UTP20: variants seen among roughly 807,000 people sequenced by gnomAD.
UTP20 encodes UTP20 small subunit processome component.
UTP20 carries 164 observed loss-of-function variants against 329.5 expected under a neutral mutation model. The observed-to-expected ratio is 0.50, with a 90% CI of 0.44 to 0.57. UTP20 has a LOEUF of 0.57. Among genes scored for constraint, UTP20 ranks in the 20% least tolerant of loss-of-function variants. The pLI is 0.00. For missense variants in UTP20, 3,055 were observed against 3,284.2 expected (o/e 0.93, Z 1.71); for synonymous variants, 1,151 against 1,159.3 (o/e 0.99, Z 0.14).
Position 101,321,553 on chromosome 12 carries a change from G to A in UTP20, c.2965G>A (p.Val989Met), listed in dbSNP as rs1221724463. ...AGACAGAAGCTTTAAGGAAGAGATA[G>A]TGCATTTTAGCATTTCAGAAGATAA... Reference protein sequence around the residue: ...LEDRSFKEEIVHFSISEDNAV... With the variant: ...LEDRSFKEEIMHFSISEDNAV... Residue 989 changes from valine (V) to methionine (M), a missense_variant, in exon 25 of 62, where the codon GTG becomes ATG. Physicochemically the swap from Val to Met is conservative, Grantham distance 21. This residue lies in a region of UTP20 where 2,445 missense variants were observed against 2,575.5 expected (regional missense o/e 0.95). Coordinates refer to ENST00000261637, the MANE Select transcript of UTP20 (RefSeq NM_014503.3). The A allele has an allele frequency of 1.4e-5, 22 of 1,613,540 alleles. No individual in the cohort carries two copies. The highest frequency in any genetic ancestry group is 1.8e-5 in the Non-Finnish European group (21 of 1,179,764).
At chr12:101,283,660 A>G (rs1485738467) in intron 2 of UTP20, among the ~76,000 whole-genome samples, 2 of 152,174 alleles carry the variant, frequency 1.3e-5, no homozygotes, top group African/African-American at 4.8e-5. Flanking sequence ...TTCTGCCTTA[A>G]AGGACATGAA....
At chr12:101,361,628 A>AAAAT (rs60016529) in intron 43 of UTP20, among the ~76,000 whole-genome samples, 2,613 of 139,084 alleles carry the variant, frequency 0.019, 35 homozygotes, top group Non-Finnish European at 0.022. Flanking sequence ...CTCTGTCTCA[A>AAAAT]AAATAAATAA....
chr12:101,285,006 A>C (rs767574154), intron 2 of UTP20, among the ~76,000 whole-genome samples: 5 of 152,176 alleles, frequency 3.3e-5, no homozygotes, highest in African/African-American at 9.7e-5. Context: ...CACATAATAT[A>C]CCTTAGTATA....
At position 101,306,017 on chromosome 12, in the gene UTP20, G is replaced by A. The variant is rs1222403264; in HGVS notation, c.1884G>A (p.Met628Ile). The A allele has an allele frequency of 6.2e-7, 1 of 1,613,504 alleles. No homozygotes were observed. The highest frequency in any genetic ancestry group is 2.2e-5 in the East Asian group (1 of 44,834). ...GGCCACTTTCCCAGGAGGCTTTAATGGAATTATTTCCCAAGTTACAAGCAA... is the reference window on the plus strand; with the variant it reads ...GGCCACTTTCCCAGGAGGCTTTAATAGAATTATTTCCCAAGTTACAAGCAA... The part of the protein sequence containing the change: ...CKGPLSQEAL[M>I]ELFPKLQANI... Residue 628 changes from methionine (M) to isoleucine (I), a missense_variant, in exon 16 of 62, where the codon ATG becomes ATA. By Grantham distance (10) the Met-to-Ile change is conservative. This residue lies in a region of UTP20 where 2,445 missense variants were observed against 2,575.5 expected (regional missense o/e 0.95). Transcript: ENST00000261637.
At chr12:101,347,348 A>AC (rs1351681367) in intron 38 of UTP20, among the ~76,000 whole-genome samples, 1 of 151,904 alleles carries the variant, frequency 6.6e-6, no homozygotes, top group Non-Finnish European at 1.5e-5. Flanking sequence ...AATGGCAAAA[A>AC]CCCATGTGCA....
chr12:101,297,578 G>A (rs545006180), intron 12 of UTP20, among the ~76,000 whole-genome samples: 2 of 152,274 alleles, frequency 1.3e-5, no homozygotes, highest in South Asian at 2.1e-4. Flanking sequence ...ATTAAAATAT[G>A]CCAACAGAAT....
At chr12:101,330,419 A>C (rs1794249402) in intron 27 of UTP20, among the ~76,000 whole-genome samples, 1 of 152,166 alleles carries the variant, frequency 6.6e-6, no homozygotes, top group South Asian at 2.1e-4. Context: ...TTTGTAGGCT[A>C]TGATGAGGGG....
At position 101,285,563 on chromosome 12, in the gene UTP20, T is replaced by C. The variant is rs773352333; in HGVS notation, c.127-7T>C. 1 of 1,613,542 alleles carries C rather than the reference T, an allele frequency of 6.2e-7. No homozygotes were observed. Among genetic ancestry groups the C allele is most frequent in the South Asian group, 1.1e-5 (1 of 91,060 alleles). On this transcript the variant is annotated splice_region_variant and splice_polypyrimidine_tract_variant and intron_variant, in intron 2 of 61. Transcript: ENST00000261637. ...ATTTGATTAATGGACTGCTTTAATC[T>C]TGACAGGAGGTTGAAACCTACTTTT...
intron 19 of UTP20, among the ~76,000 whole-genome samples, chr12:101,310,348 G>C (rs1054427730): frequency 8.6e-5 from 13 of 151,950 alleles, no homozygotes; most frequent in African/African-American, 3.1e-4. Flanking sequence ...GGCTGAGGCA[G>C]GTGGATCACC....
chr12:101,373,258 A>G, intron 52 of UTP20, 143 bp from the exon 53 acceptor site: 1 of 776,168 alleles, frequency 1.3e-6, no homozygotes, highest in Non-Finnish European at 2.1e-6. Context: ...ATGGATACAT[A>G]CAAGCATTAA....
At chr12:101,360,711 C>T (rs1027869220) in intron 43 of UTP20, among the ~76,000 whole-genome samples, 1 of 152,124 alleles carries the variant, frequency 6.6e-6, no homozygotes, top group African/African-American at 2.4e-5. Context: ...TGCCTGTAAT[C>T]CCAGCTACTC....
chr12:101,355,017 C>T lies in UTP20; in HGVS notation c.5293C>T (p.Leu1765Phe). 1 of 1,614,164 alleles carries T rather than the reference C, an allele frequency of 6.2e-7. No homozygotes were observed. Among genetic ancestry groups the T allele is most frequent in the Non-Finnish European group, 8.5e-7 (1 of 1,180,028 alleles). ...GTGTATCACAAAGCCTGTCTCTTTCCTTCCTCAAAACAAGGAAGAAATAGA... is the reference window on the plus strand; with the variant it reads ...GTGTATCACAAAGCCTGTCTCTTTCTTTCCTCAAAACAAGGAAGAAATAGA... The part of the protein sequence containing the change: ...SECITKPVSF[L>F]PQNKEEIERT... Residue 1765 changes from leucine (L) to phenylalanine (F), a missense_variant, in exon 41 of 62, where the codon CTT (leucine) becomes TTT (phenylalanine). Around this residue, in one of 3 missense-constraint regions of UTP20, gnomAD observed 2,445 missense variants for 2,575.5 expected, o/e 0.95. Coordinates refer to ENST00000261637, the MANE Select transcript of UTP20 (RefSeq NM_014503.3).
chr12:101,284,624 CACAT>C (rs1470038116), intron 2 of UTP20, among the ~76,000 whole-genome samples: 9 of 152,018 alleles, frequency 5.9e-5, no homozygotes, highest in Admixed American at 1.3e-4. Flanking sequence ...TCTATATACA[CACAT>C]ACGTACATGT....
chr12:101,358,041 AT>A, intron 43 of UTP20, among the ~76,000 whole-genome samples: 1 of 152,276 alleles, frequency 6.6e-6, no homozygotes, highest in South Asian at 2.1e-4. Context: ...AAAGAAAACA[AT>A]TTTGGTACAG....
In UTP20 at chr12:101,373,539, G is replaced by A. The variant is rs184998154; in HGVS notation, c.6949-46G>A. On this transcript the variant is annotated intron_variant, in intron 53 of 61. Coordinates refer to ENST00000261637, the MANE Select transcript of UTP20 (RefSeq NM_014503.3). ...TCAGTCCCCCTTTGCTAGAGCATCT[G>A]TAGGAATTCCACTCTGAGTGCTCAC... 3.1e-6 allele frequency: 5 copies of A among 1,612,842 alleles called. No homozygotes were observed. In the Admixed American group the frequency reaches 5.0e-5, roughly 16 times the overall value.
Position 101,381,191 on chromosome 12 carries a change from G to A in UTP20, c.7636G>A (p.Asp2546Asn). 1.2e-6 allele frequency: 2 copies of A among 1,613,814 alleles called. No individual in the cohort carries two copies. The highest frequency in any genetic ancestry group is 1.7e-6 in the Non-Finnish European group (2 of 1,179,734). The change falls in exon 58 of 62, where the codon GAT becomes AAT. Residue 2546 changes from aspartate to asparagine, a missense_variant. Asp to Asn is a conservative substitution (Grantham distance 23). Transcript: ENST00000261637. ...SCHQLHSKFL[D>N]QSLGEQVVKN... ...CCATCAATTGCATTCCAAATTCTTG[G>A]ATCAGTCTCTAGGAGAACAGGTAAG...
At chr12:101,380,110 A>G (rs1870594581) in intron 57 of UTP20, among the ~76,000 whole-genome samples, 1 of 152,150 alleles carries the variant, frequency 6.6e-6, no homozygotes, top group African/African-American at 2.4e-5. Context: ...AGGCATGGTG[A>G]TTCACATCTG....
At chr12:101,322,270 G>T (rs772710065) in intron 25 of UTP20, among the ~76,000 whole-genome samples, 2 of 152,150 alleles carry the variant, frequency 1.3e-5, no homozygotes, top group East Asian at 1.9e-4. Flanking sequence ...GATTACAGGC[G>T]TGAGCCACTG....
intron 26 of UTP20, 99 bp downstream of exon 26, chr12:101,327,346 G>T: frequency 8.1e-7 from 1 of 1,233,796 alleles, no homozygotes. Context: ...CTTTCTAACA[G>T]GGTTGTTCCT....
Sources: gnomAD v4.1 joint callset for allele counts (sites outside exome capture counted in the v4.1 genomes callset) on GRCh38, gnomAD v4.1.1 for gene constraint, gnomAD v4.1.1 regional missense constraint, MANE v1.5 for transcripts, NCBI Gene and HGNC (gene_info 2026-07-23, HGNC 2026-07-21) for gene names.